Variants in SYNE1 observed in about 807,000 individuals in gnomAD.
The protein encoded by SYNE1 is spectrin repeat containing nuclear envelope protein 1.
A neutral mutation model predicts 1,111.0 loss-of-function variants in SYNE1; 616 were observed. That is an observed-to-expected ratio of 0.55 (90% CI 0.52 to 0.59). SYNE1 has a LOEUF of 0.59. Among genes scored for constraint, SYNE1 ranks in the 20% least tolerant of loss-of-function variants. The pLI, the probability that SYNE1 is intolerant of heterozygous loss-of-function variation, is 0.00. For synonymous variants in SYNE1, 3,855 were observed against 3,825.8 expected (o/e 1.01, Z -0.28); for missense variants, 10,006 against 10,417.0 (o/e 0.96, Z 1.72).
chr6:152,139,751 AAAG>A (rs1325303028), intron 140 of SYNE1, among the ~76,000 whole-genome samples, 196 bp downstream of exon 140: 6 of 148,820 alleles, frequency 4.0e-5, no homozygotes, highest in South Asian at 2.2e-4. Context: ...GAAAGAAAGA[AAAG>A]AAAAAAAAGA....
chr6:152,384,125 G>T (rs547151115), intron 55 of SYNE1, among the ~76,000 whole-genome samples: 28 of 152,266 alleles, frequency 1.8e-4, no homozygotes, highest in Admixed American at 1.8e-3. Flanking sequence ...TATCAGACAG[G>T]TACTATTTTC....
At chr6:152,539,308 G>C (rs2127983091) in intron 4 of SYNE1, among the ~76,000 whole-genome samples, 1 of 152,198 alleles carries the variant, frequency 6.6e-6, no homozygotes, top group South Asian at 2.1e-4. Flanking sequence ...TTACAAATAT[G>C]ATGTCTCTTG....
intron 107 of SYNE1, among the ~76,000 whole-genome samples, chr6:152,241,428 T>G (rs1193502821): frequency 6.6e-6 from 1 of 152,024 alleles, no homozygotes; most frequent in East Asian, 1.9e-4. Context: ...TACAGGAAAT[T>G]CCCATAGTCT....
intron 3 of SYNE1, among the ~76,000 whole-genome samples, chr6:152,610,995 G>T (rs9397533): frequency 0.079 from 12,027 of 151,916 alleles, 803 homozygotes; most frequent in African/African-American, 0.17. Flanking sequence ...CATGAAGGAA[G>T]CACTAAACAT....
chr6:152,184,223 G>A (rs1426087735), intron 128 of SYNE1, among the ~76,000 whole-genome samples: 1 of 152,136 alleles, frequency 6.6e-6, no homozygotes, highest in Non-Finnish European at 1.5e-5. Flanking sequence ...ATCACTTGAG[G>A]TCAGGAGTTT....
chr6:152,268,017 AAC>A lies in SYNE1; in HGVS notation c.18815+37_18815+38del, dbSNP rs1461501005. 25 of 1,528,248 alleles carry A rather than the reference AAC, an allele frequency of 1.6e-5. No homozygotes were observed. In the Middle Eastern group the frequency reaches 1.0e-3, roughly 62 times the overall value. The allele number at this position is 1,528,248 out of a possible 1,614,324, so 94.7% of individuals were successfully genotyped here. ...TTTACTTTTCTTCAAATGTCAGGGA[AAC>A]ACAATGAAGAGAAAATGGAAGCATT... On this transcript the variant is annotated intron_variant, in intron 100 of 145. Transcript: ENST00000367255.
At chr6:152,259,963 T>C (rs78983815) in intron 101 of SYNE1, among the ~76,000 whole-genome samples, 2,213 of 152,250 alleles carry the variant, frequency 0.015, 28 homozygotes, top group Non-Finnish European at 0.019. Context: ...TATTGTGGAA[T>C]GTCAGTGGCA....
At chr6:152,280,766 T>C (rs919040763) in intron 97 of SYNE1, among the ~76,000 whole-genome samples, 3 of 152,084 alleles carry the variant, frequency 2.0e-5, no homozygotes, top group Non-Finnish European at 4.4e-5. Context: ...AAAATAAACA[T>C]TAGAAAGAAG....
At chr6:152,456,371 G>C (rs1294924179) in intron 22 of SYNE1, among the ~76,000 whole-genome samples, 1 of 151,908 alleles carries the variant, frequency 6.6e-6, no homozygotes, top group Non-Finnish European at 1.5e-5. Context: ...CCTCTAGTAA[G>C]ATGATAGGCC....
chr6:152,187,465 CAGGGACATAAGAGT>C (rs2070508452), intron 128 of SYNE1, among the ~76,000 whole-genome samples: 1 of 152,098 alleles, frequency 6.6e-6, no homozygotes, highest in South Asian at 2.1e-4. Context: ...GCACAATTGG[CAGGGACATAAGAGT>C]AGGGACATAA....
intron 30 of SYNE1, among the ~76,000 whole-genome samples, chr6:152,443,337 T>A (rs941350372): frequency 6.6e-6 from 1 of 152,162 alleles, no homozygotes; most frequent in Non-Finnish European, 1.5e-5. Flanking sequence ...CAATCTCGGC[T>A]CATTGCAAGC....
intron 3 of SYNE1, among the ~76,000 whole-genome samples, chr6:152,606,651 G>GTTTGTTTTTTTT (rs1555002304): frequency 6.6e-6 from 1 of 151,782 alleles, no homozygotes. Flanking sequence ...TTTTTTGTTT[G>GTTTGTTTTTTTT]TTTGTTTGTT....
At chr6:152,212,650 G>A (rs141726875) in intron 123 of SYNE1, among the ~76,000 whole-genome samples, 39 of 152,220 alleles carry the variant, frequency 2.6e-4, no homozygotes, top group Non-Finnish European at 4.3e-4. Flanking sequence ...ATACCTAGGA[G>A]TGGAATTTCT....
intron 32 of SYNE1, among the ~76,000 whole-genome samples, chr6:152,440,760 G>T (rs923262757): frequency 6.6e-6 from 1 of 151,868 alleles, no homozygotes; most frequent in Non-Finnish European, 1.5e-5. Context: ...TAGAGATGGG[G>T]TTTCACCATG....
At chr6:152,390,244 T>C (rs1473989133) in intron 53 of SYNE1, 36 bp downstream of exon 53, 3 of 1,609,816 alleles carry the variant, frequency 1.9e-6, no homozygotes, top group Admixed American at 1.7e-5. Context: ...AGTCACTGCA[T>C]TGGACTTAAA....
At chr6:152,628,232 A>AT (rs963862439) in intron 3 of SYNE1, 33 bp downstream of exon 3, 2 of 1,611,930 alleles carry the variant, frequency 1.2e-6, no homozygotes, top group Non-Finnish European at 1.7e-6. Context: ...TGGTATTTGA[A>AT]TTTTTTTAAA....
At chr6:152,611,271 C>A (rs1260687295) in intron 3 of SYNE1, among the ~76,000 whole-genome samples, 1 of 152,034 alleles carries the variant, frequency 6.6e-6, no homozygotes, top group African/African-American at 2.4e-5. Context: ...CAGAGACACA[C>A]ATAGGCTCAA....
intron 101 of SYNE1, among the ~76,000 whole-genome samples, chr6:152,258,140 T>A (rs2091280245): frequency 6.6e-6 from 1 of 152,150 alleles, no homozygotes; most frequent in Non-Finnish European, 1.5e-5. Context: ...TCTGAAGGGA[T>A]AAAAGTATGA....
intron 117 of SYNE1, among the ~76,000 whole-genome samples, chr6:152,222,655 C>G (rs1329668520): frequency 6.6e-6 from 1 of 152,118 alleles, no homozygotes; most frequent in Non-Finnish European, 1.5e-5. Context: ...ACCTCACATA[C>G]TTATCCATTT....
Sources: gnomAD v4.1 joint callset for allele counts (sites outside exome capture counted in the v4.1 genomes callset) on GRCh38, gnomAD v4.1.1 for gene constraint, MANE v1.5 for transcripts, NCBI Gene and HGNC (gene_info 2026-07-23, HGNC 2026-07-21) for gene names.